The following ACTN2 variants were observed in gnomAD, a reference collection of about 807,000 sequenced individuals.
ACTN2 encodes the protein alpha-actinin-2.
In ACTN2, 39 loss-of-function variants were observed where a neutral mutation model predicts 113.8. The observed-to-expected ratio is 0.34, with a 90% CI of 0.27 to 0.45. The LOEUF (loss-of-function observed/expected upper bound fraction) is 0.45. Ranked by LOEUF, ACTN2 falls within the 20% of genes least tolerant of loss-of-function variation. The probability of loss-of-function intolerance (pLI) is 1.00; values close to 1 mark genes in which losing one functional copy is unlikely to be tolerated. For synonymous variants in ACTN2, 429 were observed against 444.1 expected, an observed-to-expected ratio of 0.97 and a Z score of 0.43; for missense variants, 992 against 1,177.9, an observed-to-expected ratio of 0.84 and a Z score of 2.31.
At chr1:236,741,071 G>T (rs1192654295) in intron 10 of ACTN2, among the ~76,000 whole-genome samples, 1 of 151,978 alleles carries the variant, frequency 6.6e-6, no homozygotes, top group Non-Finnish European at 1.5e-5. Context: ...TAAAAACATG[G>T]TCATGCTCTG....
intron 6 of ACTN2, among the ~76,000 whole-genome samples, chr1:236,728,115 G>A (rs1178487410): frequency 1.3e-5 from 2 of 151,272 alleles, no homozygotes; most frequent in Non-Finnish European, 2.9e-5. Context: ...CTATTTTTGC[G>A]GGGAAGAAAG....
In ACTN2 at chr1:236,749,147, C is replaced by A. The variant is rs555649092; in HGVS notation, c.1539C>A (p.Thr513=). The A allele has an allele frequency of 6.2e-7, 1 of 1,614,088 alleles. No individual in the cohort carries two copies. The highest frequency in any genetic ancestry group is 8.5e-7 in the Non-Finnish European group (1 of 1,180,020). Residue 513 remains threonine, a synonymous_variant, in exon 14 of 21, where the codon ACC becomes ACA. Coordinates refer to ENST00000366578, the MANE Select transcript of ACTN2 (RefSeq NM_001103.4). Reference sequence around the variant, plus strand: ...AGAGAATGGAGAAATTGCTAGAAACCATTGATCAGCTTCACCTGGAGTTTG... The same window carrying A: ...AGAGAATGGAGAAATTGCTAGAAACAATTGATCAGCTTCACCTGGAGTTTG... ...ALERMEKLLE[T]IDQLHLEFAK... is the part of the protein sequence containing the mutation.
At chr1:236,713,609 T>C (rs1329051641) in intron 1 of ACTN2, among the ~76,000 whole-genome samples, 2 of 152,108 alleles carry the variant, frequency 1.3e-5, no homozygotes, top group Non-Finnish European at 2.9e-5. Flanking sequence ...TGTTTATGTA[T>C]ACACAGATAC....
intron 1 of ACTN2, among the ~76,000 whole-genome samples, chr1:236,689,485 C>T (rs1022791217): frequency 6.6e-6 from 1 of 151,492 alleles, no homozygotes; most frequent in Admixed American, 6.6e-5. Context: ...ACCTCCATGA[C>T]GTCAAGGCAT....
rs114997903 is a variant in ACTN2 at position 236,729,349 on chromosome 1, G to A, written c.615+1593G>A. Reference sequence around the variant, plus strand: ...AAAAAAGAAAAGAAAAGAAAGAATGGTGTGTAAAGACTTAAGGGTAAAAGC... The same window carrying A: ...AAAAAAGAAAAGAAAAGAAAGAATGATGTGTAAAGACTTAAGGGTAAAAGC... On this transcript the variant is annotated intron_variant, in intron 6 of 20. Coordinates refer to ENST00000366578, the MANE Select transcript of ACTN2 (RefSeq NM_001103.4). Among the ~76,000 whole-genome samples the A allele has an allele frequency of 7.9e-3, 1,200 of 152,188 alleles. 17 individuals are homozygous for A. Among genetic ancestry groups the A allele is most frequent in the African/African-American group, 0.027 (1,137 of 41,534 alleles).
At chr1:236,712,247 TCC>T (rs1193387429) in intron 1 of ACTN2, among the ~76,000 whole-genome samples, 2 of 152,160 alleles carry the variant, frequency 1.3e-5, no homozygotes, top group Non-Finnish European at 2.9e-5. Flanking sequence ...AGGAACAGTC[TCC>T]CTAGGCAATG....
At chr1:236,711,370 C>A (rs546324718) in intron 1 of ACTN2, among the ~76,000 whole-genome samples, 1 of 151,812 alleles carries the variant, frequency 6.6e-6, no homozygotes, top group South Asian at 2.1e-4. Flanking sequence ...TATTTTTTTG[C>A]GACAGAGGCT....
At position 236,742,953 on chromosome 1, in the gene ACTN2, T is replaced by C. The variant is rs1431905441; in HGVS notation, c.1165T>C (p.Leu389=). 2.5e-6 allele frequency: 4 copies of C among 1,614,114 alleles called. No homozygotes were observed. The South Asian group carries it at 3.3e-5, about 13-fold the overall frequency. Residue 389 remains leucine (L), a synonymous_variant, in exon 11 of 21, where the codon TTG becomes CTG. Transcript: ENST00000366578. The stretch of plus-strand genomic sequence containing the variant: ...GGCTGAGAAGGGTTACGAGGAGTGG[T>C]TGCTCAATGAGATTCGGAGACTGGA... ...EQAEKGYEEW[L]LNEIRRLERL... is the part of the protein sequence containing the mutation.
At chr1:236,689,882 A>T (rs1666018843) in intron 1 of ACTN2, among the ~76,000 whole-genome samples, 1 of 152,234 alleles carries the variant, frequency 6.6e-6, no homozygotes, top group South Asian at 2.1e-4. Context: ...GTGACTTGTC[A>T]GAGCAGCAAT....
At chr1:236,740,145 ACT>A (rs1178212199) in intron 10 of ACTN2, among the ~76,000 whole-genome samples, 5 of 151,052 alleles carry the variant, frequency 3.3e-5, no homozygotes, top group South Asian at 4.2e-4. Context: ...ACGGAGTCTC[ACT>A]CTGTCACCCA....
At position 236,726,038 on chromosome 1, in the gene ACTN2, C is replaced by T. The variant is rs372436409; in HGVS notation, c.536+18C>T. 2.7e-5 allele frequency: 44 copies of T among 1,604,858 alleles called. No individual in the cohort carries two copies. In the African/African-American group the frequency reaches 5.5e-4, roughly 20 times the overall value. ...CATACTAGGTGAGCACCCAGGGCCC[C>T]TGGTCCTTGTATTCTCAGTGGAATC... On this transcript the variant is annotated intron_variant, in intron 5 of 20. Coordinates refer to ENST00000366578, the MANE Select transcript of ACTN2 (RefSeq NM_001103.4).
intron 1 of ACTN2, among the ~76,000 whole-genome samples, chr1:236,704,974 C>T (rs1657783290): frequency 6.6e-6 from 1 of 152,184 alleles, no homozygotes; most frequent in Non-Finnish European, 1.5e-5. Context: ...TGGCAGGACT[C>T]CTTCTGAAAT....
At chr1:236,736,356 A>G (rs1248906926) in intron 8 of ACTN2, among the ~76,000 whole-genome samples, 2 of 152,234 alleles carry the variant, frequency 1.3e-5, no homozygotes, top group South Asian at 2.1e-4. Context: ...GAAGCCCATC[A>G]CTGGGAAAGG....
intron 1 of ACTN2, among the ~76,000 whole-genome samples, chr1:236,696,170 G>T (rs1657494802): frequency 6.6e-6 from 1 of 151,876 alleles, no homozygotes; most frequent in Admixed American, 6.6e-5. Flanking sequence ...AGCCAGGTGT[G>T]GTGGTATGCG....
chr1:236,719,091 C>G, intron 3 of ACTN2, 78 bp downstream of exon 3: 1 of 1,590,330 alleles, frequency 6.3e-7, no homozygotes, highest in Non-Finnish European at 8.6e-7. Flanking sequence ...GAATTCTCCC[C>G]TTCTTCCCTC....
chr1:236,747,528 G>C (rs1426800397), intron 12 of ACTN2, 139 bp from the exon 13 acceptor site: 3 of 735,864 alleles, frequency 4.1e-6, no homozygotes, highest in Non-Finnish European at 7.0e-6. Flanking sequence ...CTGTCTATCA[G>C]CCCACTCTCT....
chr1:236,748,737 G>T (rs913970847), intron 13 of ACTN2, among the ~76,000 whole-genome samples: 1 of 152,198 alleles, frequency 6.6e-6, no homozygotes, highest in South Asian at 2.1e-4. Context: ...ACTCTAAAAC[G>T]TGGAAGATGC....
At chr1:236,760,732 C>T (rs912546222) in intron 19 of ACTN2, among the ~76,000 whole-genome samples, 28 of 152,180 alleles carry the variant, frequency 1.8e-4, no homozygotes, top group African/African-American at 3.9e-4. Flanking sequence ...TCCATAATTA[C>T]GTCACGTGAC....
At position 236,757,475 on chromosome 1, in the gene ACTN2, T is replaced by G. The variant is rs1317195334; in HGVS notation, c.2155-11T>G. 2.5e-6 allele frequency: 4 copies of G among 1,614,126 alleles called. No individual in the cohort carries two copies. Among genetic ancestry groups the G allele is most frequent in the Non-Finnish European group, 3.4e-6 (4 of 1,179,986 alleles). On this transcript the variant is annotated splice_polypyrimidine_tract_variant and intron_variant, in intron 17 of 20. Transcript: ENST00000366578. Reference sequence around the variant, plus strand: ...GACTTAGAACTGATCTTTCCCCTTTTCCCTCAATAGCACATTCGTGTTGGA... The same window carrying G: ...GACTTAGAACTGATCTTTCCCCTTTGCCCTCAATAGCACATTCGTGTTGGA...
Sources: allele counts gnomAD v4.1 joint callset (sites outside exome capture counted in the v4.1 genomes callset), GRCh38; gene constraint gnomAD v4.1.1; transcripts MANE v1.5; gene names NCBI Gene and HGNC (gene_info 2026-07-23, HGNC 2026-07-21).